Variants in IKZF2 observed in about 807,000 individuals in gnomAD.
IKZF2 encodes the protein IKAROS family zinc finger 2, also known as zinc finger protein Helios.
Under a neutral mutation model 49.2 loss-of-function variants are expected in IKZF2, and 15 were observed. That is an observed-to-expected ratio of 0.30 (90% CI 0.20 to 0.47). IKZF2 has a LOEUF of 0.47. IKZF2 is among the 20% of genes least tolerant of loss of function. The pLI, the probability that IKZF2 is intolerant of heterozygous loss-of-function variation, is 1.00. For missense variants in IKZF2, 567 were observed against 664.6 expected, an observed-to-expected ratio of 0.85 and a Z score of 1.61; for synonymous variants, 227 against 221.4, an observed-to-expected ratio of 1.03 and a Z score of -0.23.
At chr2:213,150,035 C>T (rs905038936) in intron 2 of IKZF2, 109 bp downstream of exon 2, 13 of 454,704 alleles carry the variant, frequency 2.9e-5, no homozygotes, top group Middle Eastern at 5.7e-4. Flanking sequence ...AAGAAAGAAA[C>T]GTCAGGGAGA....
intron 4 of IKZF2, among the ~76,000 whole-genome samples, chr2:213,103,323 T>G (rs188102932): frequency 1.6e-3 from 239 of 152,286 alleles, no homozygotes; most frequent in Middle Eastern, 6.8e-3. Context: ...CATTGCAGAC[T>G]GTCTTCAAAG....
At position 213,086,425 on chromosome 2, in the gene IKZF2, C is replaced by T. The variant is rs74645643; in HGVS notation, c.140-29326G>A. Reference sequence around the variant, plus strand: ...AATATATGATATGATGTATGATTTACAAAAAACAGACTAAAATAAGCTCTA... The same window carrying T: ...AATATATGATATGATGTATGATTTATAAAAAACAGACTAAAATAAGCTCTA... On this transcript the variant is annotated intron_variant, in intron 4 of 8. Transcript: ENST00000434687. Among the ~76,000 whole-genome samples the T allele has an allele frequency of 3.2e-4, 49 of 152,166 alleles. No homozygotes were observed. In the East Asian group the frequency reaches 8.3e-3, roughly 26 times the overall value.
chr2:213,000,687 A>T lies in IKZF2; in HGVS notation c.*6673T>A, dbSNP rs1238764760. 1.3e-5 allele frequency: 2 copies of T among 151,966 alleles called. No individual in the cohort carries two copies. The highest frequency in any genetic ancestry group is 3.0e-5 in the Non-Finnish European group (2 of 67,664). 9.4% of individuals were successfully genotyped at this position (151,966 alleles called of 1,614,324 possible). On this transcript the variant is annotated 3_prime_UTR_variant, in exon 9 of 9. Transcript: ENST00000434687. ...CAGGACTGCTCCAAATATTTTTAAA[A>T]AAAATTTCTCCAATAGGTGATATGT... is the stretch of plus-strand genomic sequence containing the variant.
chr2:213,018,933 C>T (rs1696900010), intron 7 of IKZF2, among the ~76,000 whole-genome samples: 1 of 151,944 alleles, frequency 6.6e-6, no homozygotes, highest in African/African-American at 2.4e-5. Context: ...ATCTATGTTC[C>T]CAGAGAACTG....
At chr2:213,104,542 C>CA (rs1385333000) in intron 4 of IKZF2, among the ~76,000 whole-genome samples, 2 of 152,064 alleles carry the variant, frequency 1.3e-5, no homozygotes, top group Non-Finnish European at 2.9e-5. Flanking sequence ...GCATTCCCCC[C>CA]AAAATATTAA....
chr2:213,101,433 C>T (rs991332075), intron 4 of IKZF2, among the ~76,000 whole-genome samples: 2 of 151,878 alleles, frequency 1.3e-5, no homozygotes, highest in Non-Finnish European at 2.9e-5. Flanking sequence ...AGAATAGATA[C>T]GTTCACTGTA....
intron 4 of IKZF2, among the ~76,000 whole-genome samples, chr2:213,111,363 C>T (rs6706210): frequency 0.036 from 5,453 of 152,006 alleles, 347 homozygotes; most frequent in African/African-American, 0.12. Flanking sequence ...ATTTTAAGTA[C>T]GCTTCTGCAT....
chr2:213,115,445 G>A (rs777680649), intron 4 of IKZF2, among the ~76,000 whole-genome samples: 28 of 152,168 alleles, frequency 1.8e-4, no homozygotes, highest in Non-Finnish European at 3.5e-4. Context: ...CTGGGAAAAT[G>A]TCTGTTTTCA....
intron 4 of IKZF2, among the ~76,000 whole-genome samples, chr2:213,080,978 G>C (rs1220845707): frequency 6.6e-6 from 1 of 152,050 alleles, no homozygotes; most frequent in East Asian, 1.9e-4. Context: ...TTTGGTGTTA[G>C]GTTGAGTTTT....
intron 4 of IKZF2, chr2:213,147,324 C>G (rs1415669414): frequency 1.3e-5 from 5 of 398,046 alleles, no homozygotes; most frequent in Admixed American, 4.1e-5. Context: ...AGCTTTCTAC[C>G]AAGGCAACAT....
intron 6 of IKZF2, among the ~76,000 whole-genome samples, chr2:213,023,562 C>CA (rs1376298332): frequency 6.6e-6 from 1 of 151,952 alleles, no homozygotes; most frequent in Non-Finnish European, 1.5e-5. Flanking sequence ...ATTAAAAATA[C>CA]AAAAAATAAG....
intron 6 of IKZF2, among the ~76,000 whole-genome samples, chr2:213,030,238 G>A (rs1698260412): frequency 6.6e-6 from 1 of 151,676 alleles, no homozygotes; most frequent in South Asian, 2.1e-4. Flanking sequence ...GCCTGATATG[G>A]AATTTTTTAG....
intron 6 of IKZF2, among the ~76,000 whole-genome samples, chr2:213,023,480 A>G (rs1464955273): frequency 6.6e-6 from 1 of 152,152 alleles, no homozygotes; most frequent in African/African-American, 2.4e-5. Context: ...ACCAGCTTCT[A>G]TTTTTTGGAA....
chr2:213,150,271 G>T (rs752070716), intron 1 of IKZF2, 24 bp from the exon 2 acceptor site: 210 of 992,404 alleles, frequency 2.1e-4, no homozygotes, highest in Non-Finnish European at 2.8e-4. Context: ...GAGGGAGAAA[G>T]AAAGAAGTTT....
intron 4 of IKZF2, among the ~76,000 whole-genome samples, chr2:213,086,472 T>C (rs1230170295): frequency 6.6e-6 from 1 of 152,182 alleles, no homozygotes; most frequent in Admixed American, 6.5e-5. Flanking sequence ...ACAAGATGAA[T>C]GTGTGTGGCT....
intron 4 of IKZF2, among the ~76,000 whole-genome samples, chr2:213,099,348 T>A (rs1199458591): frequency 6.6e-6 from 1 of 152,184 alleles, no homozygotes; most frequent in African/African-American, 2.4e-5. Context: ...AGAGATGCCA[T>A]TTAAAAATCA....
At chr2:213,051,777 T>G (rs894860172) in intron 5 of IKZF2, among the ~76,000 whole-genome samples, 2 of 151,990 alleles carry the variant, frequency 1.3e-5, no homozygotes, top group Admixed American at 1.3e-4. Context: ...ATTATACTTT[T>G]CACTCCAAAA....
chr2:213,075,684 A>T (rs1703174957), intron 4 of IKZF2, among the ~76,000 whole-genome samples: 1 of 152,140 alleles, frequency 6.6e-6, no homozygotes, highest in East Asian at 1.9e-4. Flanking sequence ...TTTTTCATTA[A>T]TTGATATATA....
intron 4 of IKZF2, among the ~76,000 whole-genome samples, chr2:213,081,412 C>T (rs1321905927): frequency 6.6e-6 from 1 of 152,160 alleles, no homozygotes; most frequent in Non-Finnish European, 1.5e-5. Flanking sequence ...CTCTTTTAAA[C>T]ATTTATTGAA....
Sources: allele counts gnomAD v4.1 joint callset (sites outside exome capture counted in the v4.1 genomes callset), GRCh38; gene constraint gnomAD v4.1.1; transcripts MANE v1.5; gene names NCBI Gene and HGNC (gene_info 2026-07-23, HGNC 2026-07-21).